CBLB: variants seen among roughly 807,000 people sequenced by gnomAD.
CBLB encodes the protein Cbl proto-oncogene B.
CBLB carries 31 observed loss-of-function variants against 104.9 expected under a neutral mutation model. The observed-to-expected ratio is 0.30, with a 90% CI of 0.22 to 0.40. CBLB has a LOEUF of 0.40. Among genes scored for constraint, CBLB ranks in the 10% least tolerant of loss-of-function variants. CBLB has a pLI of 1.00. For missense variants in CBLB, 1,062 were observed against 1,214.6 expected (o/e 0.87, Z 1.87); for synonymous variants, 440 against 422.6 (o/e 1.04, Z -0.51).
At chr3:105,775,781 T>G (rs148121887) in intron 4 of CBLB, among the ~76,000 whole-genome samples, 1 of 152,246 alleles carries the variant, frequency 6.6e-6, no homozygotes, top group Non-Finnish European at 1.5e-5. Flanking sequence ...CTGTAGGGCA[T>G]ACATCTTTAA....
chr3:105,824,490 G>A (rs1169026233), intron 3 of CBLB, among the ~76,000 whole-genome samples: 1 of 152,072 alleles, frequency 6.6e-6, no homozygotes, highest in African/African-American at 2.4e-5. Flanking sequence ...CACGTAAGAG[G>A]ACTGAATATC....
At chr3:105,809,915 A>C (rs1357976890) in intron 3 of CBLB, among the ~76,000 whole-genome samples, 2 of 152,238 alleles carry the variant, frequency 1.3e-5, no homozygotes, top group Non-Finnish European at 2.9e-5. Flanking sequence ...TGGGACATTT[A>C]GAAACAGGGA....
At chr3:105,830,480 T>C (rs1577609864) in intron 3 of CBLB, among the ~76,000 whole-genome samples, 1 of 152,308 alleles carries the variant, frequency 6.6e-6, no homozygotes, top group Admixed American at 6.5e-5. Flanking sequence ...AAGCATCATA[T>C]AACAAGAAAG....
At chr3:105,703,358 C>T (rs2069551078) in intron 11 of CBLB, among the ~76,000 whole-genome samples, 1 of 151,976 alleles carries the variant, frequency 6.6e-6, no homozygotes, top group African/African-American at 2.4e-5. Context: ...GAGCATGTTA[C>T]CAAATAAAAT....
chr3:105,664,170 C>G (rs1342087895), intron 18 of CBLB, among the ~76,000 whole-genome samples: 1 of 152,028 alleles, frequency 6.6e-6, no homozygotes, highest in Non-Finnish European at 1.5e-5. Flanking sequence ...TTCCCATTTT[C>G]TATTATACTG....
intron 12 of CBLB, among the ~76,000 whole-genome samples, chr3:105,698,383 A>G (rs528075536): frequency 5.1e-4 from 77 of 152,238 alleles, no homozygotes; most frequent in African/African-American, 1.8e-3. Context: ...GGGAACTGAC[A>G]TAATGACAGG....
At chr3:105,758,450 GT>G (rs1171847257) in intron 4 of CBLB, among the ~76,000 whole-genome samples, 4 of 151,910 alleles carry the variant, frequency 2.6e-5, no homozygotes, top group African/African-American at 4.8e-5. Flanking sequence ...GTCGCTTATT[GT>G]TTGTGTGTCA....
chr3:105,793,021 T>C (rs1230204864), intron 3 of CBLB, among the ~76,000 whole-genome samples: 2 of 152,154 alleles, frequency 1.3e-5, no homozygotes, highest in African/African-American at 2.4e-5. Flanking sequence ...TGTAACTTAA[T>C]AATTAAAGAG....
intron 3 of CBLB, among the ~76,000 whole-genome samples, chr3:105,779,193 AAC>A (rs1224070152): frequency 6.6e-6 from 1 of 152,228 alleles, no homozygotes; most frequent in African/African-American, 2.4e-5. Flanking sequence ...TAAAGTCTGA[AAC>A]ACAACGCCAG....
chr3:105,868,802 A>AGT lies in CBLB; in HGVS notation c.-83_-82dup, dbSNP rs919024841. The AGT allele has an allele frequency of 3.0e-6, 3 of 991,628 alleles. No individual in the cohort carries two copies. Among genetic ancestry groups the AGT allele is most frequent in the Admixed American group, 6.1e-5 (1 of 16,392 alleles). 61.4% of individuals were successfully genotyped at this position (991,628 alleles called of 1,614,324 possible). ...GTCCCACTCCACACGCACGCAGCCC[A>AGT]GTGTGTGTGGGGAGCCCCGGCTGGG... is the stretch of plus-strand genomic sequence containing the variant. On this transcript the variant is annotated 5_prime_UTR_variant, in exon 1 of 19. Transcript: ENST00000394030.
chr3:105,681,068 A>C lies in CBLB; in HGVS notation c.2428+411T>G, dbSNP rs1412929225. ...ATCAGTTCTCTACATACAACTATTT[A>C]ATTTTGCATAATTTAATTAGCGTAA... is the stretch of plus-strand genomic sequence containing the variant. On this transcript the variant is annotated intron_variant, in intron 16 of 18. Coordinates refer to ENST00000394030, the MANE Select transcript of CBLB (RefSeq NM_170662.5). The C allele has an allele frequency of 2.4e-5, 5 of 211,956 alleles. No individual in the cohort carries two copies. In the Admixed American group the frequency reaches 2.6e-4, roughly 11 times the overall value. 13.1% of individuals were successfully genotyped at this position (211,956 alleles called of 1,614,324 possible). A position where few individuals can be genotyped will look rare whatever the true frequency, so the allele number is the denominator to read the frequency against.
intron 3 of CBLB, among the ~76,000 whole-genome samples, chr3:105,794,485 A>T (rs935873849): frequency 2.6e-5 from 4 of 152,236 alleles, no homozygotes; most frequent in Admixed American, 6.5e-5. Flanking sequence ...TAATCACAGA[A>T]TTGTACAGAT....
intron 3 of CBLB, among the ~76,000 whole-genome samples, chr3:105,803,736 G>C (rs530778514): frequency 1.1e-4 from 17 of 152,140 alleles, no homozygotes; most frequent in Non-Finnish European, 1.9e-4. Context: ...AGTTAATAAA[G>C]CCGGGTACAC....
chr3:105,796,317 A>G (rs1049809869), intron 3 of CBLB, among the ~76,000 whole-genome samples: 12 of 152,306 alleles, frequency 7.9e-5, no homozygotes, highest in African/African-American at 2.9e-4. Context: ...GATCTTTGAC[A>G]AAGTTGACAA....
intron 18 of CBLB, among the ~76,000 whole-genome samples, chr3:105,666,366 T>C (rs1011813446): frequency 2.6e-5 from 4 of 152,178 alleles, no homozygotes; most frequent in Non-Finnish European, 4.4e-5. Flanking sequence ...TTCATTTTTA[T>C]GCCATAAGGT....
intron 4 of CBLB, 132 bp from the exon 5 acceptor site, chr3:105,751,750 T>C: frequency 1.3e-6 from 1 of 746,672 alleles, no homozygotes; most frequent in Non-Finnish European, 2.4e-6. Flanking sequence ...TATTTGAGAA[T>C]ATTGTTCATA....
chr3:105,687,438 A>T (rs2067151530), intron 13 of CBLB, among the ~76,000 whole-genome samples: 1 of 152,112 alleles, frequency 6.6e-6, no homozygotes, highest in South Asian at 2.1e-4. Context: ...GCCACAAATC[A>T]GTAGATTATT....
chr3:105,831,023 A>T (rs997969996), intron 3 of CBLB, among the ~76,000 whole-genome samples: 5 of 152,238 alleles, frequency 3.3e-5, no homozygotes, highest in African/African-American at 1.2e-4. Flanking sequence ...TGTCATTTAA[A>T]TACGAAATTG....
intron 3 of CBLB, among the ~76,000 whole-genome samples, chr3:105,795,191 C>G (rs186753913): frequency 2.6e-3 from 396 of 152,156 alleles, no homozygotes; most frequent in Non-Finnish European, 4.1e-3. Flanking sequence ...GGATTACAGG[C>G]GTGAGCCAAT....
Sources: gnomAD v4.1 joint callset for allele counts (sites outside exome capture counted in the v4.1 genomes callset) on GRCh38, gnomAD v4.1.1 for gene constraint, MANE v1.5 for transcripts, NCBI Gene and HGNC (gene_info 2026-07-23, HGNC 2026-07-21) for gene names.